ACOT13: variants seen among roughly 807,000 people sequenced by gnomAD.
ACOT13 encodes the protein acyl-CoA thioesterase 13.
Under a neutral mutation model 11.8 loss-of-function variants are expected in ACOT13, and 10 were observed. The observed-to-expected ratio is 0.85, with a 90% CI of 0.53 to 1.44. ACOT13 has a LOEUF of 1.44. Ranked by LOEUF, ACOT13 falls within the 40% of genes most tolerant of loss-of-function variation. ACOT13 has a pLI of 0.00. For synonymous variants in ACOT13, 53 were observed against 61.0 expected (o/e 0.87, Z 0.61); for missense variants, 172 against 174.1 (o/e 0.99, Z 0.07).
chr6:24,672,754 C>T (rs1307865432), intron 1 of ACOT13, among the ~76,000 whole-genome samples: 2 of 152,214 alleles, frequency 1.3e-5, no homozygotes, highest in Non-Finnish European at 1.5e-5. Flanking sequence ...GGCCCATAAG[C>T]TGATCTTGCA....
At chr6:24,692,048 C>G (rs1339697439) in intron 1 of ACOT13, among the ~76,000 whole-genome samples, 2 of 152,168 alleles carry the variant, frequency 1.3e-5, no homozygotes, top group African/African-American at 2.4e-5. Flanking sequence ...AAGTCAGTTG[C>G]AACAGCTCAG....
At chr6:24,685,113 C>G (rs1582439902) in intron 1 of ACOT13, among the ~76,000 whole-genome samples, 1 of 152,132 alleles carries the variant, frequency 6.6e-6, no homozygotes, top group Non-Finnish European at 1.5e-5. Context: ...TGAGTTCAGA[C>G]TAGCCACATT....
intron 1 of ACOT13, among the ~76,000 whole-genome samples, chr6:24,670,991 G>GT (rs1200745781): frequency 6.6e-6 from 1 of 152,150 alleles, no homozygotes; most frequent in Non-Finnish European, 1.5e-5. Flanking sequence ...TGGAGGAATA[G>GT]TTACGTTTTT....
At chr6:24,688,761 C>G (rs1437775514) in intron 1 of ACOT13, among the ~76,000 whole-genome samples, 1 of 152,132 alleles carries the variant, frequency 6.6e-6, no homozygotes. Context: ...CTACATAGCA[C>G]TATGTGTCAG....
chr6:24,678,105 C>T (rs1027527263), intron 1 of ACOT13, among the ~76,000 whole-genome samples: 29 of 152,250 alleles, frequency 1.9e-4, no homozygotes, highest in African/African-American at 6.5e-4. Context: ...TGGGCTAATG[C>T]CTGGCCAAAT....
chr6:24,676,123 G>A (rs1418419015), intron 1 of ACOT13, among the ~76,000 whole-genome samples: 2 of 152,180 alleles, frequency 1.3e-5, no homozygotes, highest in African/African-American at 4.8e-5. Context: ...TTTGGTTACT[G>A]TAGCCTTGTA....
chr6:24,683,332 G>A (rs1179427866), intron 1 of ACOT13, among the ~76,000 whole-genome samples: 3 of 152,196 alleles, frequency 2.0e-5, no homozygotes, highest in African/African-American at 7.2e-5. Flanking sequence ...GAGGTCAGGA[G>A]TTCAAGACCA....
Position 24,667,091 on chromosome 6 carries a change from G to C in ACOT13, c.-173G>C. 2.4e-6 allele frequency: 2 copies of C among 843,572 alleles called. No homozygotes were observed. The highest frequency in any genetic ancestry group is 3.5e-5 in the South Asian group (2 of 57,242). 52.3% of individuals were successfully genotyped at this position (843,572 alleles called of 1,614,324 possible). A position where few individuals can be genotyped will look rare whatever the true frequency, so the allele number is the denominator to read the frequency against. On this transcript the variant is annotated 5_prime_UTR_variant, in exon 1 of 3. Transcript: ENST00000230048. ...CGAGGAAAGTCAGTGAGCAAATCGC[G>C]GACCACCGGGGCTGCCAGCTCGCCT... is the stretch of plus-strand genomic sequence containing the variant.
intron 1 of ACOT13, among the ~76,000 whole-genome samples, chr6:24,669,133 G>A (rs1474229224): frequency 2.6e-5 from 4 of 152,212 alleles, no homozygotes; most frequent in Non-Finnish European, 5.9e-5. Context: ...AATTTAGAAA[G>A]TTTATTTTGC....
intron 1 of ACOT13, among the ~76,000 whole-genome samples, chr6:24,688,053 A>G (rs1409318585): frequency 6.6e-6 from 1 of 152,172 alleles, no homozygotes; most frequent in Non-Finnish European, 1.5e-5. Context: ...AGAAAAACTT[A>G]TAGATTTTGG....
intron 1 of ACOT13, among the ~76,000 whole-genome samples, chr6:24,672,133 T>C (rs1043185766): frequency 6.6e-6 from 1 of 152,146 alleles, no homozygotes; most frequent in African/African-American, 2.4e-5. Context: ...ACACCTGATA[T>C]CACAAAAATA....
intron 1 of ACOT13, among the ~76,000 whole-genome samples, chr6:24,675,377 C>T (rs1482165905): frequency 6.6e-6 from 1 of 152,192 alleles, no homozygotes; most frequent in Non-Finnish European, 1.5e-5. Context: ...TTCTCCACAT[C>T]CTGTCCAGCA....
At chr6:24,684,339 A>C (rs1365727846) in intron 1 of ACOT13, among the ~76,000 whole-genome samples, 7 of 152,210 alleles carry the variant, frequency 4.6e-5, no homozygotes, top group African/African-American at 7.2e-5. Flanking sequence ...TTCCTTAAAA[A>C]TCTGTAGTCA....
chr6:24,685,332 CTTTTTTTTTTTTTTTTTTT>C (rs563020332), intron 1 of ACOT13, among the ~76,000 whole-genome samples: 4 of 116,774 alleles, frequency 3.4e-5, no homozygotes, highest in Non-Finnish European at 7.2e-5. Flanking sequence ...TTTTACTGTA[CTTTTTTTTTTTTTTTTTTT>C]TTTTTTTTTT....
In ACOT13 at chr6:24,699,241, G is replaced by A. The variant is rs1038973335; in HGVS notation, c.266+1174G>A. On this transcript the variant is annotated intron_variant, in intron 2 of 2. Transcript: ENST00000230048. ...TTTTTTTTTTTTGAGACGGAGTCTC[G>A]CTTTGTGGCCCAGGCTGGAGTGCAG... is the stretch of plus-strand genomic sequence containing the variant. Among the ~76,000 whole-genome samples, 22 of 137,172 alleles carry A rather than the reference G, an allele frequency of 1.6e-4. 1 individual carries two copies. Among genetic ancestry groups the A allele is most frequent in the Admixed American group, 6.3e-4 (8 of 12,716 alleles). The allele number at this position is 137,172 out of a possible 152,430, so 90.0% of individuals were successfully genotyped here.
chr6:24,680,512 T>C (rs1778530032), intron 1 of ACOT13, among the ~76,000 whole-genome samples: 1 of 152,150 alleles, frequency 6.6e-6, no homozygotes, highest in African/African-American at 2.4e-5. Context: ...CTAATGCTTA[T>C]TCTTTTCCAG....
rs1432649914 is a variant in ACOT13, at chr6:24,700,388, TAAAG to T, written c.267-1069_267-1066del. Among the ~76,000 whole-genome samples, 4 of 151,072 alleles carry T rather than the reference TAAAG, an allele frequency of 2.6e-5. No individual in the cohort carries two copies. In the South Asian group the frequency reaches 6.3e-4, roughly 24 times the overall value. On this transcript the variant is annotated intron_variant, in intron 2 of 2. Transcript: ENST00000230048. ...TTTCTTTACATTGAGGTATGTGAATTAAAGACAAGCCTGTTCTTTCCAGCAATAA... is the reference window on the plus strand; with the variant it reads ...TTTCTTTACATTGAGGTATGTGAATTACAAGCCTGTTCTTTCCAGCAATAA...
chr6:24,677,015 ATTAG>A (rs1262046617), intron 1 of ACOT13, among the ~76,000 whole-genome samples: 1 of 152,210 alleles, frequency 6.6e-6, no homozygotes, highest in African/African-American at 2.4e-5. Flanking sequence ...AGTGAGGGCT[ATTAG>A]TTCTGCATGC....
At chr6:24,685,472 G>A (rs1026344243) in intron 1 of ACOT13, among the ~76,000 whole-genome samples, 12 of 150,418 alleles carry the variant, frequency 8.0e-5, no homozygotes, top group South Asian at 2.1e-4. Flanking sequence ...TCAGCCTCCC[G>A]AGTAGCTGGG....
Sources: allele counts gnomAD v4.1 joint callset (sites outside exome capture counted in the v4.1 genomes callset), GRCh38; gene constraint gnomAD v4.1.1; transcripts MANE v1.5; gene names NCBI Gene and HGNC (gene_info 2026-07-23, HGNC 2026-07-21).